The following SERPINE2 variants were observed in gnomAD, a reference collection of about 807,000 sequenced individuals.
SERPINE2 encodes the protein serpin family E member 2.
In SERPINE2, 14 loss-of-function variants were observed where a neutral mutation model predicts 36.3. The ratio of observed to expected loss-of-function variants is 0.39; its 90% CI spans 0.25 to 0.60. The LOEUF (loss-of-function observed/expected upper bound fraction) is 0.60. SERPINE2 is among the 20% of genes least tolerant of loss of function. The pLI is 0.57. For synonymous variants in SERPINE2, 192 were observed against 191.8 expected (o/e 1.00, Z -0.01); for missense variants, 418 against 499.6 (o/e 0.84, Z 1.56).
At chr2:224,004,417 C>G (rs1420670040) in intron 1 of SERPINE2, among the ~76,000 whole-genome samples, 1 of 152,228 alleles carries the variant, frequency 6.6e-6, no homozygotes, top group Non-Finnish European at 1.5e-5. Flanking sequence ...ACAATTGTAT[C>G]AACTCAGCCC....
intron 1 of SERPINE2, among the ~76,000 whole-genome samples, chr2:224,025,278 C>T (rs912564611): frequency 6.6e-6 from 1 of 152,202 alleles, no homozygotes; most frequent in Admixed American, 6.5e-5. Flanking sequence ...TTGGCACTAA[C>T]CCCATTCCCC....
At chr2:224,005,933 C>T (rs1691408017) in intron 1 of SERPINE2, among the ~76,000 whole-genome samples, 2 of 152,170 alleles carry the variant, frequency 1.3e-5, no homozygotes, top group African/African-American at 2.4e-5. Flanking sequence ...GTATCTCCTT[C>T]CCTATGTTCT....
intron 1 of SERPINE2, among the ~76,000 whole-genome samples, chr2:224,034,410 A>G (rs1423121213): frequency 3.3e-5 from 5 of 152,182 alleles, no homozygotes; most frequent in Non-Finnish European, 7.3e-5. Context: ...ACTGGGCGGT[A>G]CCAGTGCAGT....
intron 2 of SERPINE2, among the ~76,000 whole-genome samples, chr2:224,000,496 GCT>G (rs1030229126): frequency 2.0e-5 from 3 of 151,656 alleles, no homozygotes; most frequent in East Asian, 1.9e-4. Context: ...TTTTTAGCTC[GCT>G]CTCTCTCTCT....
At chr2:224,010,422 C>A in intron 1 of SERPINE2, 1 of 943,972 alleles carries the variant, frequency 1.1e-6, no homozygotes, top group Non-Finnish European at 1.3e-6. Context: ...TTATAAAGTA[C>A]ACTCTGACAT....
chr2:223,975,839 G>T lies in SERPINE2; in HGVS notation c.*28C>A. On this transcript the variant is annotated 3_prime_UTR_variant, in exon 9 of 9. Transcript: ENST00000409304. ...CTTTCTTCGTAGCAAAGTAGTCGTT[G>T]CTTTGCATGGTTTCTTTTGTATACT... is the stretch of plus-strand genomic sequence containing the variant. 6.5e-7 allele frequency: 1 copy of T among 1,547,618 alleles called. No individual in the cohort carries two copies. The highest frequency in any genetic ancestry group is 8.8e-7 in the Non-Finnish European group (1 of 1,137,010).
chr2:223,997,978 T>C, intron 3 of SERPINE2, 137 bp downstream of exon 3: 1 of 681,850 alleles, frequency 1.5e-6, no homozygotes, highest in Non-Finnish European at 2.6e-6. Flanking sequence ...GGAGACTGAA[T>C]AGAGCTTCCT....
chr2:223,983,714 A>G (rs1421884261), intron 5 of SERPINE2, among the ~76,000 whole-genome samples: 1 of 142,334 alleles, frequency 7.0e-6, no homozygotes, highest in Non-Finnish European at 1.5e-5. Context: ...ACACACACAC[A>G]CACGTATATA....
intron 1 of SERPINE2, among the ~76,000 whole-genome samples, chr2:224,023,072 A>T (rs1692066000): frequency 6.6e-6 from 1 of 152,234 alleles, no homozygotes; most frequent in Non-Finnish European, 1.5e-5. Context: ...TTTCCTTAAT[A>T]AATTACCCAG....
chr2:223,988,004 C>T (rs1574815795), intron 4 of SERPINE2, among the ~76,000 whole-genome samples: 2 of 152,220 alleles, frequency 1.3e-5, no homozygotes, highest in East Asian at 3.9e-4. Flanking sequence ...GGAAAAACAA[C>T]AGCAAAATGC....
At chr2:224,030,492 A>C (rs1692327636) in intron 1 of SERPINE2, 1 of 152,446 alleles carries the variant, frequency 6.6e-6, no homozygotes, top group Non-Finnish European at 1.5e-5. Flanking sequence ...CATCCTCACA[A>C]CACTTCAGGG....
intron 1 of SERPINE2, among the ~76,000 whole-genome samples, chr2:224,004,305 G>T (rs1691308390): frequency 6.6e-6 from 1 of 152,176 alleles, no homozygotes; most frequent in Admixed American, 6.5e-5. Flanking sequence ...AACCACTGAG[G>T]CCATCCTTCC....
chr2:223,989,289 A>G (rs1690557738), intron 4 of SERPINE2, among the ~76,000 whole-genome samples: 1 of 152,194 alleles, frequency 6.6e-6, no homozygotes, highest in African/African-American at 2.4e-5. Flanking sequence ...TCTTAATGAT[A>G]TCTTGGGGAA....
At chr2:224,036,328 C>A (rs1181912954) in intron 1 of SERPINE2, among the ~76,000 whole-genome samples, 1 of 141,646 alleles carries the variant, frequency 7.1e-6, no homozygotes, top group East Asian at 2.0e-4. Context: ...AAGGTGGCAA[C>A]CAGGGATGGA....
At chr2:223,991,494 A>C (rs79580836) in intron 4 of SERPINE2, among the ~76,000 whole-genome samples, 27,778 of 152,204 alleles carry the variant, frequency 0.18, 2,714 homozygotes, top group Non-Finnish European at 0.21. Flanking sequence ...GCTCACTTAT[A>C]CTCATTTCAT....
chr2:223,981,725 A>T (rs968464055), intron 6 of SERPINE2: 3 of 152,246 alleles, frequency 2.0e-5, no homozygotes, highest in African/African-American at 7.2e-5. Context: ...TAAAGAACAA[A>T]GGACTGACCA....
chr2:223,995,417 G>A (rs1690843583), intron 3 of SERPINE2, among the ~76,000 whole-genome samples: 1 of 152,200 alleles, frequency 6.6e-6, no homozygotes, highest in Non-Finnish European at 1.5e-5. Context: ...GTTTTTAATT[G>A]AGTGGGCAGT....
intron 4 of SERPINE2, among the ~76,000 whole-genome samples, chr2:223,986,061 CA>C (rs1213343975): frequency 1.3e-5 from 2 of 152,174 alleles, no homozygotes; most frequent in African/African-American, 4.8e-5. Flanking sequence ...GCCTTTGAGA[CA>C]GGGAACTTCA....
At chr2:223,976,898 C>T (rs1309679983) in intron 8 of SERPINE2, among the ~76,000 whole-genome samples, 1 of 152,200 alleles carries the variant, frequency 6.6e-6, no homozygotes, top group Non-Finnish European at 1.5e-5. Context: ...CCCCATATAT[C>T]AAGGGCAGGA....
Sources: allele counts gnomAD v4.1 joint callset (sites outside exome capture counted in the v4.1 genomes callset), GRCh38; gene constraint gnomAD v4.1.1; transcripts MANE v1.5; gene names NCBI Gene and HGNC (gene_info 2026-07-23, HGNC 2026-07-21).